Variants in SELENOI observed in about 807,000 individuals in gnomAD.
The protein encoded by SELENOI is ethanolaminephosphotransferase 1.
A neutral mutation model predicts 50.7 loss-of-function variants in SELENOI; 24 were observed. That is an observed-to-expected ratio of 0.47 (90% CI 0.34 to 0.67). SELENOI has a LOEUF of 0.67. Among genes scored for constraint, SELENOI ranks in the 30% least tolerant of loss-of-function variants. The pLI is 0.01. For missense variants in SELENOI, 352 were observed against 461.4 expected (o/e 0.76, Z 2.17); for synonymous variants, 155 against 170.2 (o/e 0.91, Z 0.70).
chr2:26,361,323 G>A (rs767941893), intron 1 of SELENOI, among the ~76,000 whole-genome samples: 2 of 152,186 alleles, frequency 1.3e-5, no homozygotes, highest in East Asian at 3.9e-4. Context: ...CAAAGATACC[G>A]AGGGGCGACT....
intron 1 of SELENOI, among the ~76,000 whole-genome samples, chr2:26,356,158 C>T (rs762011685): frequency 2.0e-5 from 3 of 152,074 alleles, no homozygotes; most frequent in African/African-American, 7.2e-5. Flanking sequence ...TTAAGTTTAG[C>T]GATGTTTTGT....
chr2:26,379,162 G>C (rs1040557346), intron 6 of SELENOI, among the ~76,000 whole-genome samples: 13 of 152,200 alleles, frequency 8.5e-5, no homozygotes, highest in African/African-American at 3.1e-4. Flanking sequence ...TACTCGGGAG[G>C]CTGAGGCAGG....
chr2:26,361,663 T>C (rs180804960), intron 1 of SELENOI, among the ~76,000 whole-genome samples: 1 of 151,910 alleles, frequency 6.6e-6, no homozygotes, highest in Admixed American at 6.6e-5. Flanking sequence ...ATTTCTTTTT[T>C]TTTTTTTTGA....
chr2:26,385,105 A>G lies in SELENOI; in HGVS notation c.878A>G (p.Tyr293Cys), dbSNP rs1224490662. 1.2e-6 allele frequency: 2 copies of G among 1,603,618 alleles called. No homozygotes were observed. Among genetic ancestry groups the G allele is most frequent in the Non-Finnish European group, 1.7e-6 (2 of 1,175,472 alleles). ...DILELHPRVFYFMVGTAFANS... is the reference protein window; with the variant it reads ...DILELHPRVFCFMVGTAFANS... ...TTAGAGCTACATCCTAGAGTATTCT[A>G]CTTTATGGTTGGAACAGCTTTTGCC... Residue 293 changes from tyrosine to cysteine, a missense_variant, in exon 8 of 10, where the codon TAC becomes TGC. Transcript: ENST00000260585.
intron 3 of SELENOI, among the ~76,000 whole-genome samples, chr2:26,366,862 G>A (rs2147951282): frequency 6.6e-6 from 1 of 152,216 alleles, no homozygotes; most frequent in East Asian, 1.9e-4. Context: ...ATTTTTCATT[G>A]TAGGCGCATG....
At chr2:26,349,954 A>AG (rs1461438815) in intron 1 of SELENOI, among the ~76,000 whole-genome samples, 1 of 150,542 alleles carries the variant, frequency 6.6e-6, no homozygotes, top group Non-Finnish European at 1.5e-5. Context: ...AAAAAAAAAA[A>AG]AAAAATTAGC....
chr2:26,361,469 T>C (rs1190662626), intron 1 of SELENOI, among the ~76,000 whole-genome samples: 1 of 152,214 alleles, frequency 6.6e-6, no homozygotes, highest in African/African-American at 2.4e-5. Flanking sequence ...GGTCTCTCTC[T>C]CTCAAAACGT....
At chr2:26,370,780 G>A (rs554731948) in intron 4 of SELENOI, among the ~76,000 whole-genome samples, 24 of 137,334 alleles carry the variant, frequency 1.7e-4, no homozygotes, top group South Asian at 2.4e-4. Context: ...GCGGCTGGCC[G>A]GGCAGAGGGG....
intron 1 of SELENOI, among the ~76,000 whole-genome samples, chr2:26,356,261 G>C (rs920691485): frequency 1.3e-5 from 2 of 152,148 alleles, no homozygotes; most frequent in Admixed American, 6.6e-5. Context: ...GGGTTCAGGT[G>C]ATCCTCCCAC....
chr2:26,384,909 A>G (rs1375774989), intron 7 of SELENOI, 50 bp from the exon 8 acceptor site: 1 of 1,361,020 alleles, frequency 7.3e-7, no homozygotes. Context: ...CAAGTACTGT[A>G]CAATTTATAT....
In SELENOI at chr2:26,350,039, T is replaced by C. The variant is rs543543330; in HGVS notation, c.57+3750T>C. 4.0e-5 allele frequency among the ~76,000 whole-genome samples: 6 copies of C among 151,844 alleles called. No homozygotes were observed. In the East Asian group the frequency reaches 1.2e-3, roughly 29 times the overall value. ...TGGGAGGATCAGTTGAGTCTGGAAG[T>C]TGAGCTGCAGTGAGCTATGATTGTG... On this transcript the variant is annotated intron_variant, in intron 1 of 9. Coordinates refer to ENST00000260585, the MANE Select transcript of SELENOI (RefSeq NM_033505.4).
intron 9 of SELENOI, 150 bp downstream of exon 9, chr2:26,386,686 T>G: frequency 1.7e-6 from 1 of 596,920 alleles, no homozygotes; most frequent in South Asian, 3.5e-5. Flanking sequence ...CTCTAAATTT[T>G]GGATAATATC....
At chr2:26,376,224 A>G (rs1207446724) in intron 6 of SELENOI, among the ~76,000 whole-genome samples, 2 of 152,182 alleles carry the variant, frequency 1.3e-5, no homozygotes, top group Non-Finnish European at 2.9e-5. Context: ...CTTTCAGAAA[A>G]GGAGTGGTTT....
At chr2:26,377,119 C>A (rs2147957919) in intron 6 of SELENOI, among the ~76,000 whole-genome samples, 1 of 152,304 alleles carries the variant, frequency 6.6e-6, no homozygotes, top group East Asian at 1.9e-4. Context: ...CTTCCCCTCT[C>A]TCTTCTTTTC....
chr2:26,349,392 C>T (rs377050707), intron 1 of SELENOI, among the ~76,000 whole-genome samples: 22 of 151,238 alleles, frequency 1.5e-4, no homozygotes, highest in Admixed American at 3.3e-4. Flanking sequence ...CTGCAGCCTC[C>T]GCCTCCCGGG....
intron 9 of SELENOI, 99 bp downstream of exon 9, chr2:26,386,635 A>C (rs1353376455): frequency 9.5e-7 from 1 of 1,050,354 alleles, no homozygotes; most frequent in African/African-American, 1.7e-5. Flanking sequence ...TTTTAAAAAG[A>C]AAGTTGCTTA....
At chr2:26,384,816 T>C (rs1269143324) in intron 7 of SELENOI, 143 bp from the exon 8 acceptor site, 7 of 531,332 alleles carry the variant, frequency 1.3e-5, no homozygotes, top group Non-Finnish European at 2.1e-5. Context: ...AAAATGGGAT[T>C]AATGATGTTG....
chr2:26,385,846 T>G (rs58242251), intron 8 of SELENOI, among the ~76,000 whole-genome samples: 3,990 of 152,254 alleles, frequency 0.026, 85 homozygotes, highest in East Asian at 0.12. Context: ...ACTAATGCAT[T>G]GTATAAAAAG....
chr2:26,367,175 G>C lies in SELENOI; in HGVS notation c.265G>C (p.Val89Leu), dbSNP rs1677302441. 1 of 1,611,002 alleles carries C rather than the reference G, an allele frequency of 6.2e-7. No homozygotes were observed. The highest frequency in any genetic ancestry group is 1.7e-5 in the Admixed American group (1 of 59,602). Residue 89 changes from valine to leucine, a missense_variant, in exon 4 of 10, where the codon GTT (valine) becomes CTT (leucine). Transcript: ENST00000260585. Reference protein sequence around the residue: ...APGHKHVPDWVWIVVGILNFV... With the variant: ...APGHKHVPDWLWIVVGILNFV... ...AGGTCACAAGCACGTGCCTGACTGG[G>C]TTTGGATTGTAGTGGGCATCCTCAA...
Sources: allele counts gnomAD v4.1 joint callset (sites outside exome capture counted in the v4.1 genomes callset), GRCh38; gene constraint gnomAD v4.1.1; transcripts MANE v1.5; gene names NCBI Gene and HGNC (gene_info 2026-07-23, HGNC 2026-07-21).